ZNF407: variants seen among roughly 807,000 people sequenced by gnomAD.
ZNF407 encodes the protein zinc finger protein 407.
In ZNF407, 17 loss-of-function variants were observed where a neutral mutation model predicts 131.2. That is an observed-to-expected ratio of 0.13 (90% CI 0.09 to 0.19). The LOEUF (loss-of-function observed/expected upper bound fraction) is 0.19. Among genes scored for constraint, ZNF407 ranks in the 10% least tolerant of loss-of-function variants. ZNF407 has a pLI of 1.00. For missense variants in ZNF407, 2,681 were observed against 2,830.6 expected (o/e 0.95, Z 1.20); for synonymous variants, 1,156 against 1,062.0 (o/e 1.09, Z -1.72).
At chr18:74,995,232 C>T (rs997549352) in intron 8 of ZNF407, among the ~76,000 whole-genome samples, 2 of 152,076 alleles carry the variant, frequency 1.3e-5, no homozygotes, top group South Asian at 2.1e-4. Context: ...CTGGCTTGGG[C>T]GATTTGAGTG....
chr18:74,920,516 C>A lies in ZNF407; in HGVS notation c.5252C>A (p.Ser1751Ter). Residue 1751 changes from serine (S) to a stop codon, truncating the protein, a stop_gained and splice_region_variant, in exon 8 of 9, where the codon TCA (serine) becomes TAA (stop). Coordinates refer to ENST00000299687, the MANE Select transcript of ZNF407 (RefSeq NM_017757.3). LOFTEE classifies it high-confidence loss of function. The part of the protein sequence containing the change: ...PYRCPWCDYR[S>*]NCAENIRKHI... The stretch of plus-strand genomic sequence containing the variant: ...TACTTTTCTGTCTTACTTGGTAGGT[C>A]AAACTGTGCTGAAAATATCCGCAAA... 1 of 1,572,728 alleles carries A rather than the reference C, an allele frequency of 6.4e-7. No homozygotes were observed. The highest frequency in any genetic ancestry group is 1.1e-5 in the South Asian group (1 of 87,344).
In ZNF407 at chr18:74,713,872, T is replaced by C. The variant is rs139232337; in HGVS notation, c.4803-67556T>C. Among the ~76,000 whole-genome samples the C allele has an allele frequency of 2.2e-3, 339 of 152,324 alleles. 3 individuals are homozygous for C. The highest frequency in any genetic ancestry group is 7.9e-3 in the African/African-American group (330 of 41,584). ...TTCTAAATGACAACTAATGGACTTC[T>C]TTGAATATTATGTTTGGCATAATAT... On this transcript the variant is annotated intron_variant, in intron 3 of 8. Coordinates refer to ENST00000299687, the MANE Select transcript of ZNF407 (RefSeq NM_017757.3).
At chr18:74,611,132 C>T (rs1983041469) in intron 1 of ZNF407, among the ~76,000 whole-genome samples, 1 of 152,194 alleles carries the variant, frequency 6.6e-6, no homozygotes, top group African/African-American at 2.4e-5. Context: ...CAAAAATCAA[C>T]CGCAGGTCAA....
At chr18:74,954,364 T>C (rs1972252074) in intron 8 of ZNF407, among the ~76,000 whole-genome samples, 1 of 152,190 alleles carries the variant, frequency 6.6e-6, no homozygotes, top group African/African-American at 2.4e-5. Flanking sequence ...ATATCATAAA[T>C]GACTATGATT....
chr18:74,767,564 A>G (rs973045381), intron 3 of ZNF407, among the ~76,000 whole-genome samples: 2 of 152,060 alleles, frequency 1.3e-5, no homozygotes, highest in African/African-American at 4.8e-5. Flanking sequence ...AATACAAGAC[A>G]CAGAGGATAT....
chr18:74,916,150 T>C (rs1971757009), intron 7 of ZNF407, among the ~76,000 whole-genome samples: 1 of 51,064 alleles, frequency 2.0e-5, no homozygotes, highest in Non-Finnish European at 3.3e-5. Flanking sequence ...TGCATGCATG[T>C]GTGTGCTGGT....
intron 3 of ZNF407, among the ~76,000 whole-genome samples, chr18:74,697,193 A>G (rs1245010428): frequency 2.6e-5 from 4 of 151,956 alleles, no homozygotes; most frequent in South Asian, 2.1e-4. Flanking sequence ...TCCCTCATCA[A>G]CCTTCTTGAT....
intron 3 of ZNF407, among the ~76,000 whole-genome samples, chr18:74,743,082 TTGCTTTACATTTGTAGTG>T (rs1968587464): frequency 1.3e-5 from 2 of 152,192 alleles, no homozygotes; most frequent in Non-Finnish European, 2.9e-5. Context: ...GAGTGAAGAT[TTGCTTTACATTTGTAGTG>T]TGGCTGACTA....
intron 3 of ZNF407, among the ~76,000 whole-genome samples, chr18:74,765,647 A>G (rs990442834): frequency 6.6e-6 from 1 of 152,040 alleles, no homozygotes; most frequent in African/African-American, 2.4e-5. Context: ...CTTCATATAT[A>G]TGTGTCTTGA....
intron 7 of ZNF407, among the ~76,000 whole-genome samples, chr18:74,895,646 A>G (rs1971444511): frequency 6.6e-6 from 1 of 152,190 alleles, no homozygotes; most frequent in Non-Finnish European, 1.5e-5. Context: ...TCAGTTATAA[A>G]ACATGTTTTT....
chr18:74,979,439 G>A (rs1568289785), intron 8 of ZNF407, among the ~76,000 whole-genome samples: 1 of 152,092 alleles, frequency 6.6e-6, no homozygotes, highest in African/African-American at 2.4e-5. Context: ...TTACAGGCAT[G>A]CACCACCACG....
At chr18:74,912,365 G>T (rs1316180631) in intron 7 of ZNF407, among the ~76,000 whole-genome samples, 4 of 152,028 alleles carry the variant, frequency 2.6e-5, no homozygotes, top group African/African-American at 9.7e-5. Flanking sequence ...GTTGTGATCT[G>T]GGAGAAAAAG....
At chr18:74,809,912 A>G (rs1313890417) in intron 4 of ZNF407, among the ~76,000 whole-genome samples, 2 of 152,220 alleles carry the variant, frequency 1.3e-5, no homozygotes, top group Non-Finnish European at 2.9e-5. Flanking sequence ...AGCTGATGGC[A>G]CTTGCTGAAG....
rs367737473 is a variant in ZNF407, at chr18:74,626,080, A to G, written c.-53-4887A>G. Among the ~76,000 whole-genome samples the G allele has an allele frequency of 9.1e-4, 138 of 152,374 alleles. 1 individual carries two copies. Among genetic ancestry groups the G allele is most frequent in the African/African-American group, 3.1e-3 (128 of 41,592 alleles). On this transcript the variant is annotated intron_variant, in intron 1 of 8. Transcript: ENST00000299687. ...AATACGTAAGCAGTTCAATAATAAA[A>G]CAACCAAATTAAGAAACAGCCAAAA... is the stretch of plus-strand genomic sequence containing the variant.
rs756368337 is a variant in ZNF407, at chr18:74,635,582, G to A, written c.4563G>A (p.Val1521=). 6.2e-7 allele frequency: 1 copy of A among 1,613,962 alleles called. No individual in the cohort carries two copies. The highest frequency in any genetic ancestry group is 1.7e-5 in the Admixed American group (1 of 60,020). The part of the protein sequence containing the change: ...ELLREVNKYI[V]EDTEQINRER... ...TGCGGGAGGTGAATAAGTATATAGT[G>A]GAAGACACTGAGCAAATCAACCGCG... Residue 1521 remains valine, a synonymous_variant, in exon 2 of 9, where the codon GTG becomes GTA. Coordinates refer to ENST00000299687, the MANE Select transcript of ZNF407 (RefSeq NM_017757.3). This position sits in a 1 kb window ranked among gnomAD's most constrained non-coding sequence, Gnocchi z 4.7.
intron 6 of ZNF407, among the ~76,000 whole-genome samples, chr18:74,882,239 A>G (rs1568253693): frequency 6.6e-6 from 1 of 152,210 alleles, no homozygotes; most frequent in South Asian, 2.1e-4. Context: ...TCATAATACT[A>G]ATTTATGTGT....
Position 74,911,607 on chromosome 18 carries a change from A to G in ZNF407, c.5250-8907A>G, listed in dbSNP as rs184989289. Among the ~76,000 whole-genome samples, 733 of 152,298 alleles carry G rather than the reference A, an allele frequency of 4.8e-3. 6 individuals are homozygous for G. The highest frequency in any genetic ancestry group is 7.1e-3 in the Non-Finnish European group (486 of 68,018). ...GGGGGTTTGAGTGCACACATCCACA[A>G]AAGAAACAATTGGCCACCGCACTCA... On this transcript the variant is annotated intron_variant, in intron 7 of 8. Coordinates refer to ENST00000299687, the MANE Select transcript of ZNF407 (RefSeq NM_017757.3).
At chr18:74,911,625 C>A (rs573304489) in intron 7 of ZNF407, among the ~76,000 whole-genome samples, 30 of 152,166 alleles carry the variant, frequency 2.0e-4, no homozygotes, top group Non-Finnish European at 1.6e-4. Flanking sequence ...AATTGGCCAC[C>A]GCACTCAATT....
At chr18:74,890,876 G>A (rs1478103352) in intron 7 of ZNF407, among the ~76,000 whole-genome samples, 1 of 152,174 alleles carries the variant, frequency 6.6e-6, no homozygotes, top group Non-Finnish European at 1.5e-5. Flanking sequence ...CCCAATCCGT[G>A]TGTGTTCGGA....
Sources: gnomAD v4.1 joint callset for allele counts (sites outside exome capture counted in the v4.1 genomes callset) on GRCh38, gnomAD v4.1.1 for gene constraint, Gnocchi (gnomAD v3.1) non-coding constraint, MANE v1.5 for transcripts, NCBI Gene and HGNC (gene_info 2026-07-23, HGNC 2026-07-21) for gene names.